MACROD2: variants seen among roughly 807,000 people sequenced by gnomAD.
MACROD2 encodes the protein mono-ADP ribosylhydrolase 2, also known as ADP-ribose glycohydrolase MACROD2.
MACROD2 carries 36 observed loss-of-function variants against 70.4 expected under a neutral mutation model. The observed-to-expected ratio is 0.51, with a 90% CI of 0.39 to 0.68. MACROD2 has a LOEUF of 0.68. MACROD2 is among the 30% of genes least tolerant of loss of function. The pLI, the probability that MACROD2 is intolerant of heterozygous loss-of-function variation, is 0.00. For missense variants in MACROD2, 496 were observed against 538.4 expected, an observed-to-expected ratio of 0.92 and a Z score of 0.78; for synonymous variants, 172 against 178.8, an observed-to-expected ratio of 0.96 and a Z score of 0.30.
At chr20:14,835,780 T>G (rs2073022746) in intron 5 of MACROD2, among the ~76,000 whole-genome samples, 1 of 152,050 alleles carries the variant, frequency 6.6e-6, no homozygotes, top group Non-Finnish European at 1.5e-5. Context: ...ATTTTGATAT[T>G]TATTACAGAT....
intron 2 of MACROD2, among the ~76,000 whole-genome samples, chr20:14,013,652 T>C (rs2052945647): frequency 6.6e-6 from 1 of 151,192 alleles, no homozygotes; most frequent in Admixed American, 6.6e-5. Flanking sequence ...TTAAGTATTA[T>C]GTAAATTGTC....
At chr20:14,611,828 A>G (rs761188202) in intron 4 of MACROD2, among the ~76,000 whole-genome samples, 1 of 152,102 alleles carries the variant, frequency 6.6e-6, no homozygotes, top group South Asian at 2.1e-4. Flanking sequence ...AAAAACACAT[A>G]CTTTAGTTCA....
intron 5 of MACROD2, among the ~76,000 whole-genome samples, chr20:15,009,078 A>G (rs1164109445): frequency 2.0e-5 from 3 of 152,118 alleles, no homozygotes; most frequent in Non-Finnish European, 4.4e-5. Context: ...AGGCAGTTGG[A>G]TCCTGCTCCA....
At chr20:15,271,814 C>G (rs1456991807) in intron 6 of MACROD2, among the ~76,000 whole-genome samples, 2 of 152,068 alleles carry the variant, frequency 1.3e-5, no homozygotes, top group African/African-American at 4.8e-5. Context: ...GTGAAGCCAT[C>G]CAGGAATAGT....
chr20:15,699,738 G>A (rs966443011), intron 8 of MACROD2, among the ~76,000 whole-genome samples: 7 of 152,160 alleles, frequency 4.6e-5, no homozygotes, highest in African/African-American at 1.7e-4. Context: ...TCTGCACTCC[G>A]GATTTGTGCC....
intron 5 of MACROD2, among the ~76,000 whole-genome samples, chr20:15,184,188 G>T (rs562806870): frequency 6.6e-6 from 1 of 152,240 alleles, no homozygotes; most frequent in East Asian, 1.9e-4. Context: ...GGAATAGATT[G>T]GGCCCATGAG....
rs372172694 is a variant in MACROD2, at chr20:14,657,512, A to G, written c.302-27331A>G. Among the ~76,000 whole-genome samples the G allele has an allele frequency of 1.7e-4, 26 of 152,356 alleles. 1 individual carries two copies. The South Asian group carries it at 5.4e-3, about 32-fold the overall frequency. ...CTGTGAGAAAAGATTACATATCTCTAGGGTTTTGGCCTTCTAATTACTAGG... is the reference window on the plus strand; with the variant it reads ...CTGTGAGAAAAGATTACATATCTCTGGGGTTTTGGCCTTCTAATTACTAGG... On this transcript the variant is annotated intron_variant, in intron 4 of 17. Transcript: ENST00000684519.
At chr20:15,219,956 G>GAAAA (rs11482499) in intron 5 of MACROD2, among the ~76,000 whole-genome samples, 151 of 106,764 alleles carry the variant, frequency 1.4e-3, no homozygotes, top group South Asian at 0.011. Flanking sequence ...ATCATCTCCT[G>GAAAA]AAAAAAAAAA....
At chr20:14,876,737 G>A (rs2073555342) in intron 5 of MACROD2, among the ~76,000 whole-genome samples, 1 of 151,874 alleles carries the variant, frequency 6.6e-6, no homozygotes, top group Admixed American at 6.6e-5. Flanking sequence ...TTCTCTTAAT[G>A]GTTTTTGTCA....
At chr20:15,281,442 A>G (rs2077443213) in intron 6 of MACROD2, among the ~76,000 whole-genome samples, 1 of 152,212 alleles carries the variant, frequency 6.6e-6, no homozygotes. Flanking sequence ...TCCTAGATAC[A>G]ATGGGGGTAC....
In MACROD2 at chr20:13,995,754, C is replaced by A; in HGVS notation, c.-10C>A. On this transcript the variant is annotated 5_prime_UTR_variant, in exon 1 of 18. Transcript: ENST00000684519. The surrounding 1 kb of genome is among the most constrained non-coding windows in gnomAD (Gnocchi z 4.3). ...ACTTGCAGCTTAAAGCCAGCCACCC[C>A]CACGGCAACATGTACCCCAGCAACA... The A allele has an allele frequency of 6.2e-7, 1 of 1,612,718 alleles. No homozygotes were observed. Among genetic ancestry groups the A allele is most frequent in the Non-Finnish European group, 8.5e-7 (1 of 1,179,348 alleles).
chr20:15,766,741 T>G (rs1366112003), intron 8 of MACROD2, among the ~76,000 whole-genome samples: 1 of 152,222 alleles, frequency 6.6e-6, no homozygotes, highest in Non-Finnish European at 1.5e-5. Context: ...AATTCTTTTC[T>G]TGAGACCCAG....
chr20:14,136,052 C>A (rs2054792139), intron 3 of MACROD2, among the ~76,000 whole-genome samples: 1 of 152,114 alleles, frequency 6.6e-6, no homozygotes, highest in African/African-American at 2.4e-5. Context: ...TAGTCTTTAT[C>A]TACAGATGAC....
intron 8 of MACROD2, among the ~76,000 whole-genome samples, chr20:15,565,187 G>T (rs2048294590): frequency 6.6e-6 from 1 of 152,048 alleles, no homozygotes; most frequent in Admixed American, 6.5e-5. Context: ...TGCTTTTCTG[G>T]TAACTAACTT....
chr20:14,876,760 G>C (rs902370328), intron 5 of MACROD2, among the ~76,000 whole-genome samples: 1 of 152,026 alleles, frequency 6.6e-6, no homozygotes, highest in Non-Finnish European at 1.5e-5. Flanking sequence ...TTTGTTGTAT[G>C]TCAAATGGTT....
intron 8 of MACROD2, among the ~76,000 whole-genome samples, chr20:15,835,133 G>A (rs1568587607): frequency 6.6e-6 from 1 of 152,126 alleles, no homozygotes; most frequent in African/African-American, 2.4e-5. Flanking sequence ...ATACCACTTT[G>A]TAAACAAACC....
At chr20:14,985,655 A>G (rs561100780) in intron 5 of MACROD2, among the ~76,000 whole-genome samples, 108 of 148,718 alleles carry the variant, frequency 7.3e-4, no homozygotes, top group Non-Finnish European at 1.2e-3. Context: ...TAATGAGGGT[A>G]GTTTGAAATC....
At chr20:14,173,876 A>G (rs2081242943) in intron 3 of MACROD2, among the ~76,000 whole-genome samples, 2 of 152,006 alleles carry the variant, frequency 1.3e-5, no homozygotes, top group Admixed American at 6.6e-5. Context: ...AACTGCAGTG[A>G]TTGTTATTTC....
At chr20:15,674,197 A>G (rs6079926) in intron 8 of MACROD2, among the ~76,000 whole-genome samples, 22,794 of 152,128 alleles carry the variant, frequency 0.15, 1,731 homozygotes, top group East Asian at 0.27. Context: ...ATTACAAAAT[A>G]TGGTAAGACC....
Sources: gnomAD v4.1 joint callset for allele counts (sites outside exome capture counted in the v4.1 genomes callset) on GRCh38, gnomAD v4.1.1 for gene constraint, Gnocchi (gnomAD v3.1) non-coding constraint, MANE v1.5 for transcripts, NCBI Gene and HGNC (gene_info 2026-07-23, HGNC 2026-07-21) for gene names.